The following RAB3C variants were observed in gnomAD, a reference collection of about 807,000 sequenced individuals.
RAB3C encodes ras-related protein Rab-3C.
A neutral mutation model predicts 26.4 loss-of-function variants in RAB3C; 17 were observed. The observed-to-expected ratio is 0.64, with a 90% CI of 0.44 to 0.97. RAB3C has a LOEUF of 0.97. Among genes scored for constraint, RAB3C ranks in the 50% least tolerant of loss-of-function variants. The probability of loss-of-function intolerance (pLI) is 0.00; values close to 1 mark genes in which losing one functional copy is unlikely to be tolerated. For missense variants in RAB3C, 242 were observed against 281.9 expected (o/e 0.86, Z 1.01); for synonymous variants, 91 against 95.9 (o/e 0.95, Z 0.30).
intron 3 of RAB3C, among the ~76,000 whole-genome samples, chr5:58,823,417 A>G (rs1233395883): frequency 3.9e-5 from 6 of 151,950 alleles, no homozygotes; most frequent in Non-Finnish European, 7.4e-5. Context: ...CCAGCTACTC[A>G]GGGGGCTGAG....
chr5:58,802,404 C>T (rs1029319987), intron 3 of RAB3C, among the ~76,000 whole-genome samples: 6 of 152,186 alleles, frequency 3.9e-5, no homozygotes, highest in African/African-American at 1.4e-4. Flanking sequence ...TCTGTGTGCA[C>T]ACTCCCAAAG....
rs533881707 is a variant in RAB3C, at chr5:58,765,179, C to T, written c.371+39059C>T. On this transcript the variant is annotated intron_variant, in intron 3 of 4. Coordinates refer to ENST00000282878, the MANE Select transcript of RAB3C (RefSeq NM_138453.4). ...AGTAAGGTTAATAATTAATATACCCCTAACTTTCTAGCCAGCACCTCCTGC... is the reference window on the plus strand; with the variant it reads ...AGTAAGGTTAATAATTAATATACCCTTAACTTTCTAGCCAGCACCTCCTGC... Among the ~76,000 whole-genome samples, 9 of 152,268 alleles carry T rather than the reference C, an allele frequency of 5.9e-5. No homozygotes were observed. The South Asian group carries it at 1.9e-3, about 32-fold the overall frequency.
At chr5:58,699,559 G>T (rs1748796424) in intron 2 of RAB3C, among the ~76,000 whole-genome samples, 1 of 152,210 alleles carries the variant, frequency 6.6e-6, no homozygotes, top group South Asian at 2.1e-4. Flanking sequence ...GTTCACCTAT[G>T]CCCTGCCCAT....
intron 3 of RAB3C, among the ~76,000 whole-genome samples, chr5:58,795,143 T>G (rs1023682461): frequency 6.6e-6 from 1 of 151,800 alleles, no homozygotes; most frequent in African/African-American, 2.4e-5. Context: ...TAAAGGGGAG[T>G]TCCCCTACAC....
At chr5:58,604,421 G>A (rs888063603) in intron 1 of RAB3C, among the ~76,000 whole-genome samples, 5 of 152,178 alleles carry the variant, frequency 3.3e-5, no homozygotes, top group African/African-American at 1.2e-4. Context: ...GGTAGGTAGG[G>A]AAGGACTATG....
intron 3 of RAB3C, among the ~76,000 whole-genome samples, chr5:58,759,114 C>T (rs1176061643): frequency 1.3e-5 from 2 of 152,160 alleles, no homozygotes; most frequent in Non-Finnish European, 2.9e-5. Flanking sequence ...TGTCCCAGGA[C>T]ACTGGAATAC....
chr5:58,776,494 C>T (rs1742145386), intron 3 of RAB3C, among the ~76,000 whole-genome samples: 1 of 152,088 alleles, frequency 6.6e-6, no homozygotes, highest in Non-Finnish European at 1.5e-5. Context: ...TGTTAAGCTT[C>T]AAACTCCTTT....
At position 58,725,992 on chromosome 5, in the gene RAB3C, T is replaced by A. The variant is rs935071792; in HGVS notation, c.253-10T>A. 2.0e-6 allele frequency: 3 copies of A among 1,472,724 alleles called. No homozygotes were observed. The highest frequency in any genetic ancestry group is 1.8e-4 in the Middle Eastern group (1 of 5,652). The allele number at this position is 1,472,724 out of a possible 1,614,324, so 91.2% of individuals were successfully genotyped here. On this transcript the variant is annotated splice_polypyrimidine_tract_variant and intron_variant, in intron 2 of 4. Coordinates refer to ENST00000282878, the MANE Select transcript of RAB3C (RefSeq NM_138453.4). Reference sequence around the variant, plus strand: ...TTCTGAGAGATTATCATTTTTTTTTTATTCTTTAGGACACAGCAGGCCAGG... The same window carrying A: ...TTCTGAGAGATTATCATTTTTTTTTAATTCTTTAGGACACAGCAGGCCAGG...
At chr5:58,611,510 T>C (rs1746700746) in intron 1 of RAB3C, among the ~76,000 whole-genome samples, 1 of 152,210 alleles carries the variant, frequency 6.6e-6, no homozygotes, top group Admixed American at 6.6e-5. Flanking sequence ...CATGTGTTTG[T>C]TGGCCACATG....
intron 3 of RAB3C, among the ~76,000 whole-genome samples, chr5:58,761,049 C>CCT (rs756510215): frequency 2.2e-3 from 332 of 147,610 alleles, no homozygotes; most frequent in Middle Eastern, 3.4e-3. Flanking sequence ...TCTCTCTCTC[C>CCT]CTCTCTCTCT....
At position 58,776,300 on chromosome 5, in the gene RAB3C, A is replaced by G. The variant is rs555261122; in HGVS notation, c.372-48738A>G. Among the ~76,000 whole-genome samples, 38 of 150,906 alleles carry G rather than the reference A, an allele frequency of 2.5e-4. 1 individual carries two copies. The South Asian group carries it at 8.0e-3, about 32-fold the overall frequency. The stretch of plus-strand genomic sequence containing the variant: ...TCCCTCCCCGCTACCCCCACATACC[A>G]CTCTTTTCCAAACTCTTTTGATGAA... On this transcript the variant is annotated intron_variant, in intron 3 of 4. Coordinates refer to ENST00000282878, the MANE Select transcript of RAB3C (RefSeq NM_138453.4).
chr5:58,583,011 G>T, upstream of RAB3C: 1 of 1,397,330 alleles, frequency 7.2e-7, no homozygotes, highest in Non-Finnish European at 9.3e-7. Flanking sequence ...CGAGACTACA[G>T]CTCCCAGGAG....
chr5:58,587,084 T>C (rs1746027344), intron 1 of RAB3C, among the ~76,000 whole-genome samples: 1 of 152,154 alleles, frequency 6.6e-6, no homozygotes, highest in Non-Finnish European at 1.5e-5. Flanking sequence ...TTTGGGCTAA[T>C]TGCTCAAGTA....
chr5:58,851,211 C>T lies in RAB3C; in HGVS notation c.544C>T (p.Gln182Ter), dbSNP rs760274845. The part of the protein sequence containing the change: ...TSAKDNINVK[Q>*]TFERLVDIIC... ...TGCCAAGGACAACATTAATGTCAAGCAGACATTTGAGCGCCTTGTGGATAT... is the reference window on the plus strand; with the variant it reads ...TGCCAAGGACAACATTAATGTCAAGTAGACATTTGAGCGCCTTGTGGATAT... The change falls in exon 5 of 5, where the codon CAG (glutamine) becomes TAG (stop). Residue 182 changes from glutamine (Q) to a stop codon, truncating the protein, a stop_gained. Transcript: ENST00000282878. LOFTEE classifies it high-confidence loss of function. The T allele has an allele frequency of 6.2e-7, 1 of 1,612,772 alleles. No individual in the cohort carries two copies. The highest frequency in any genetic ancestry group is 8.5e-7 in the Non-Finnish European group (1 of 1,179,574).
At chr5:58,699,816 T>C (rs1236074882) in intron 2 of RAB3C, among the ~76,000 whole-genome samples, 1 of 152,208 alleles carries the variant, frequency 6.6e-6, no homozygotes, top group Non-Finnish European at 1.5e-5. Flanking sequence ...TCTAAGATCT[T>C]GGGAAAAGCG....
intron 2 of RAB3C, among the ~76,000 whole-genome samples, chr5:58,699,263 C>A (rs540857083): frequency 8.8e-6 from 1 of 113,312 alleles, no homozygotes; most frequent in African/African-American, 2.6e-5. Flanking sequence ...GCAGAGGCTG[C>A]AGAACAGCAA....
In RAB3C at chr5:58,847,603, C is replaced by A. The variant is rs1390300747; in HGVS notation, c.497-3561C>A. Reference sequence around the variant, plus strand: ...TAACTTAGGCCATGAGCTTTAAGCACCCATGGGCACACACAGTTGAGGGCA... The same window carrying A: ...TAACTTAGGCCATGAGCTTTAAGCAACCATGGGCACACACAGTTGAGGGCA... On this transcript the variant is annotated intron_variant, in intron 4 of 4. Transcript: ENST00000282878. Among the ~76,000 whole-genome samples the A allele has an allele frequency of 2.0e-5, 3 of 152,106 alleles. No homozygotes were observed. In the East Asian group the frequency reaches 5.8e-4, roughly 29 times the overall value.
chr5:58,749,240 C>T (rs1741468584), intron 3 of RAB3C, among the ~76,000 whole-genome samples: 1 of 152,140 alleles, frequency 6.6e-6, no homozygotes, highest in African/African-American at 2.4e-5. Flanking sequence ...CTGCCCTTCA[C>T]CATCTTTCTT....
At chr5:58,732,048 G>T (rs993465486) in intron 3 of RAB3C, among the ~76,000 whole-genome samples, 1 of 151,352 alleles carries the variant, frequency 6.6e-6, no homozygotes, top group Non-Finnish European at 1.5e-5. Context: ...TTGCATAAAA[G>T]GTGTCTTATA....
Sources: gnomAD v4.1 joint callset for allele counts (sites outside exome capture counted in the v4.1 genomes callset) on GRCh38, gnomAD v4.1.1 for gene constraint, MANE v1.5 for transcripts, NCBI Gene and HGNC (gene_info 2026-07-23, HGNC 2026-07-21) for gene names.